OTUD5: variants seen among roughly 807,000 people sequenced by gnomAD.
OTUD5 encodes the protein OTU domain-containing protein 5.
OTUD5 carries 2 observed loss-of-function variants against 36.3 expected under a neutral mutation model. The ratio of observed to expected loss-of-function variants is 0.06; its 90% CI spans 0.02 to 0.17. The LOEUF (loss-of-function observed/expected upper bound fraction) is 0.17. Among genes scored for constraint, OTUD5 ranks in the 10% least tolerant of loss-of-function variants. The pLI is 1.00. For synonymous variants in OTUD5, 234 were observed against 214.9 expected (o/e 1.09, Z -0.78); for missense variants, 233 against 512.3 (o/e 0.45, Z 5.26).
At chrX:48,942,159 TTAC>T (rs1298286189) in intron 2 of OTUD5, among the ~76,000 whole-genome samples, 2 of 101,459 alleles carry the variant, frequency 2.0e-5, no homozygotes, top group Non-Finnish European at 4.0e-5. Context: ...TTGATACGAG[TTAC>T]TACAACAAGC....
At chrX:48,930,752 A>AG (rs1557048643) in intron 5 of OTUD5, among the ~76,000 whole-genome samples, 1 of 111,133 alleles carries the variant, frequency 9.0e-6, no homozygotes, top group East Asian at 2.8e-4. Context: ...TGAGGTCAGG[A>AG]GTTCGAGACT....
chrX:48,928,725 T>C (rs781812928), intron 5 of OTUD5, among the ~76,000 whole-genome samples: 1 of 107,723 alleles, frequency 9.3e-6, no homozygotes, highest in Non-Finnish European at 1.9e-5. Flanking sequence ...TCCCAGCTAC[T>C]TGGGAGGCTG....
intron 1 of OTUD5, among the ~76,000 whole-genome samples, chrX:48,949,254 T>G (rs887650574): frequency 9.0e-6 from 1 of 111,667 alleles, no homozygotes; most frequent in African/African-American, 3.3e-5. Flanking sequence ...TACCTTATAA[T>G]GAAAAAGGTA....
At position 48,925,378 on chromosome X, in the gene OTUD5, C is replaced by T. The variant is rs781794051; in HGVS notation, c.1263+469G>A. On this transcript the variant is annotated intron_variant, in intron 6 of 8. Transcript: ENST00000376488. ...CAATTCCTCAGATGCTTGTCTGCCC[C>T]GCCCCTCCCCGCTCCCCTAACAATT... Among the ~76,000 whole-genome samples, 6 of 110,655 alleles carry T rather than the reference C, an allele frequency of 5.4e-5. No individual in the cohort carries two copies. The South Asian group carries it at 1.5e-3, about 28-fold the overall frequency.
chrX:48,957,176 C>A lies in OTUD5; in HGVS notation c.395G>T (p.Gly132Val). 8.8e-7 allele frequency: 1 copy of A among 1,131,620 alleles called. No homozygotes were observed. The highest frequency in any genetic ancestry group is 1.2e-6 in the Non-Finnish European group (1 of 863,604). 93.3% of individuals were successfully genotyped at this position (1,131,620 alleles called of 1,213,427 possible). ...GCCCACGCCTACGGCACCACCCACA[C>A]CCACCACCACGCCCGCGGCACCCAC... is the stretch of plus-strand genomic sequence containing the variant. ...AGVGAAGVVV[G>V]VGGAVGVGGC... The change falls in exon 1 of 9, where the codon GGT becomes GTT. Residue 132 changes from glycine (G) to valine (V), a missense_variant. Coordinates refer to ENST00000376488, the MANE Select transcript of OTUD5 (RefSeq NM_001136157.2).
At chrX:48,943,678 A>G (rs2063972487) in intron 2 of OTUD5, among the ~76,000 whole-genome samples, 1 of 111,586 alleles carries the variant, frequency 9.0e-6, no homozygotes, top group Non-Finnish European at 1.9e-5. Flanking sequence ...AGGAACAGAG[A>G]CCCGCAACAC....
intron 1 of OTUD5, among the ~76,000 whole-genome samples, chrX:48,954,047 T>A (rs1414057219): frequency 1.8e-5 from 2 of 111,269 alleles, no homozygotes; most frequent in Admixed American, 1.9e-4. Flanking sequence ...TTCTTTGTCC[T>A]AAGAAGTGTG....
rs991551019 is a variant in OTUD5 at position 48,922,207 on chromosome X, C to T, written c.*967G>A. On this transcript the variant is annotated 3_prime_UTR_variant, in exon 9 of 9. Transcript: ENST00000376488. ...CTGCCCCACACAGAACAGAGTCGCT[C>T]AGGGAAACTGACATTTGGTTTTATT... is the stretch of plus-strand genomic sequence containing the variant. 1 of 111,710 alleles carries T rather than the reference C, an allele frequency of 9.0e-6. No homozygotes were observed. The highest frequency in any genetic ancestry group is 3.3e-5 in the African/African-American group (1 of 30,574). 9.2% of individuals were successfully genotyped at this position (111,710 alleles called of 1,213,427 possible).
intron 1 of OTUD5, 61 bp downstream of exon 1, chrX:48,956,916 C>T (rs1360706087): frequency 9.5e-7 from 1 of 1,054,524 alleles, no homozygotes; most frequent in African/African-American, 2.0e-5. Context: ...TCCTTGAGTC[C>T]CTTCACAGTC....
In OTUD5 at chrX:48,923,708, T is replaced by A; in HGVS notation, c.1504A>T (p.Thr502Ser). 2 of 1,208,699 alleles carry A rather than the reference T, an allele frequency of 1.7e-6. No individual in the cohort carries two copies. Among genetic ancestry groups the A allele is most frequent in the Non-Finnish European group, 2.2e-6 (2 of 893,731 alleles). ...SQFSAGADRA[T>S]SPLVSLYPAL... ...GGGTAGAGGGACACAAGGGGGGAAG[T>A]TGCCCGGTCGGCCCCTGCCGAGAAC... The change falls in exon 8 of 9, where the codon ACT becomes TCT. Residue 502 changes from threonine (T) to serine (S), a missense_variant. Around this residue, in one of 3 missense-constraint regions of OTUD5, gnomAD observed 57 missense variants for 133.1 expected, o/e 0.43. Transcript: ENST00000376488.
chrX:48,927,335 A>G (rs1289954175), intron 5 of OTUD5, among the ~76,000 whole-genome samples: 3 of 110,731 alleles, frequency 2.7e-5, no homozygotes, highest in Non-Finnish European at 5.7e-5. Context: ...CCTCCAATGC[A>G]ATTCAATACC....
At chrX:48,946,653 AACAC>A (rs782525809) in intron 1 of OTUD5, among the ~76,000 whole-genome samples, 93 of 112,407 alleles carry the variant, frequency 8.3e-4, no homozygotes, top group Non-Finnish European at 1.5e-4. Context: ...CCTGTGGATT[AACAC>A]ACTCCAGCCA....
intron 1 of OTUD5, among the ~76,000 whole-genome samples, chrX:48,944,539 C>T (rs782665603): frequency 5.9e-4 from 66 of 112,381 alleles, no homozygotes; most frequent in Non-Finnish European, 9.8e-4. Flanking sequence ...TGCCTTATGG[C>T]TTCTGTTGAC....
intron 1 of OTUD5, among the ~76,000 whole-genome samples, chrX:48,945,399 T>C (rs1224107626): frequency 9.4e-6 from 1 of 106,056 alleles, no homozygotes; most frequent in African/African-American, 3.4e-5. Flanking sequence ...GCCTCCCGAC[T>C]AGCTGGGACT....
intron 1 of OTUD5, among the ~76,000 whole-genome samples, chrX:48,954,696 C>T (rs1312301659): frequency 1.8e-5 from 2 of 111,528 alleles, no homozygotes; most frequent in Non-Finnish European, 3.8e-5. Context: ...CCCAGAGTGG[C>T]GATGTCCCAA....
At chrX:48,937,230 C>A (rs1406469913) in intron 2 of OTUD5, among the ~76,000 whole-genome samples, 1 of 112,020 alleles carries the variant, frequency 8.9e-6, no homozygotes, top group Non-Finnish European at 1.9e-5. Context: ...CTGGGGGCCC[C>A]CTGCTGCTGC....
intron 1 of OTUD5, among the ~76,000 whole-genome samples, chrX:48,950,134 CAA>C (rs782788886): frequency 8.5e-5 from 4 of 47,121 alleles, no homozygotes; most frequent in Non-Finnish European, 8.5e-5. Context: ...GATTCCACCT[CAA>C]AAAAAAAAAA....
chrX:48,944,102 C>T (rs1467950744), intron 2 of OTUD5, 88 bp downstream of exon 2: 1 of 647,747 alleles, frequency 1.5e-6, no homozygotes, highest in Non-Finnish European at 2.5e-6. Context: ...CTAGCTCTGC[C>T]TCAACCCTGT....
At position 48,925,931 on chromosome X, in the gene OTUD5, G is replaced by A. The variant is rs781965453; in HGVS notation, c.1179C>T (p.Ile393=). Residue 393 remains isoleucine, a synonymous_variant, in exon 6 of 9, where the codon ATC becomes ATT. Transcript: ENST00000376488. ...ATDWEATNEA[I]EEQVARESYL... ...AGGATTCCCGAGCCACCTGCTCCTC[G>A]ATGGCTTCATTTGTGGCCTCCCAGT... The A allele has an allele frequency of 6.3e-5, 76 of 1,209,052 alleles. No homozygotes were observed. The highest frequency in any genetic ancestry group is 8.0e-5 in the Non-Finnish European group (72 of 894,511).
Sources: gnomAD v4.1 joint callset for allele counts (sites outside exome capture counted in the v4.1 genomes callset) on GRCh38, gnomAD v4.1.1 for gene constraint, gnomAD v4.1.1 regional missense constraint, MANE v1.5 for transcripts, NCBI Gene and HGNC (gene_info 2026-07-23, HGNC 2026-07-21) for gene names.